ADGRV1: variants seen among roughly 807,000 people sequenced by gnomAD.
ADGRV1 encodes the protein G-protein coupled receptor 98.
ADGRV1 carries 359 observed loss-of-function variants against 596.2 expected under a neutral mutation model. The observed-to-expected ratio is 0.60, with a 90% CI of 0.55 to 0.66. The LOEUF is 0.66. ADGRV1 is among the 30% of genes least tolerant of loss of function. ADGRV1 has a pLI of 0.00. For missense variants in ADGRV1, 7,274 were observed against 7,575.6 expected (o/e 0.96, Z 1.48); for synonymous variants, 2,681 against 2,679.2 (o/e 1.00, Z -0.02).
intron 86 of ADGRV1, among the ~76,000 whole-genome samples, chr5:91,077,544 C>A (rs536517930): frequency 1.3e-4 from 20 of 152,260 alleles, no homozygotes; most frequent in Non-Finnish European, 2.6e-4. Flanking sequence ...GAATAAGCAC[C>A]TCATAAATGG....
chr5:90,610,482 C>T (rs541086700), intron 1 of ADGRV1, among the ~76,000 whole-genome samples: 20 of 151,912 alleles, frequency 1.3e-4, no homozygotes, highest in Admixed American at 6.6e-4. Flanking sequence ...ATTCTGAAGA[C>T]ATCCTTAGTT....
chr5:90,892,639 T>C (rs943606954), intron 83 of ADGRV1, among the ~76,000 whole-genome samples: 3 of 152,184 alleles, frequency 2.0e-5, no homozygotes, highest in East Asian at 1.9e-4. Flanking sequence ...AAGTTTTCTC[T>C]TACCCCTTTT....
At chr5:90,979,341 T>C (rs1015308489) in intron 84 of ADGRV1, among the ~76,000 whole-genome samples, 1 of 152,020 alleles carries the variant, frequency 6.6e-6, no homozygotes, top group Non-Finnish European at 1.5e-5. Context: ...GCTAATTGTT[T>C]GTATTTTTTG....
chr5:91,093,124 C>T (rs1790527400), intron 86 of ADGRV1, among the ~76,000 whole-genome samples: 2 of 152,314 alleles, frequency 1.3e-5, no homozygotes, highest in South Asian at 2.1e-4. Context: ...AAAATTTCTA[C>T]AATTATCCTT....
chr5:90,707,915 TG>T (rs2090209251), intron 38 of ADGRV1, among the ~76,000 whole-genome samples: 3 of 150,576 alleles, frequency 2.0e-5, no homozygotes, highest in Non-Finnish European at 4.4e-5. Flanking sequence ...GCGTGGGGGG[TG>T]GGGGACATTA....
chr5:90,716,478 G>C lies in ADGRV1; in HGVS notation c.9196G>C (p.Val3066Leu). 3 of 1,572,968 alleles carry C rather than the reference G, an allele frequency of 1.9e-6. No homozygotes were observed. Among genetic ancestry groups the C allele is most frequent in the African/African-American group, 2.7e-5 (2 of 73,908 alleles). ...LGKNTIALII[V>L]LANDDGPGVL... The stretch of plus-strand genomic sequence containing the variant: ...TTTTATTTTGGCAGCCTTAATTATT[G>C]TCCTTGCTAATGATGACGGCCCTGG... Residue 3066 changes from valine (V) to leucine (L), a missense_variant, in exon 43 of 90, where the codon GTC becomes CTC. Val to Leu is a conservative substitution (Grantham distance 32). Transcript: ENST00000405460.
chr5:90,792,037 A>G (rs1213195450), intron 70 of ADGRV1: 1 of 152,128 alleles, frequency 6.6e-6, no homozygotes, highest in East Asian at 1.9e-4. Flanking sequence ...TATGGCATTC[A>G]TTGCCACTGG....
intron 77 of ADGRV1, among the ~76,000 whole-genome samples, chr5:90,834,968 A>T (rs1247783975): frequency 2.3e-4 from 20 of 87,662 alleles, no homozygotes; most frequent in Admixed American, 4.2e-4. Flanking sequence ...TTCCTTCCTT[A>T]CTTCCTTTCT....
At chr5:90,696,735 T>C (rs1747236161) in intron 33 of ADGRV1, among the ~76,000 whole-genome samples, 2 of 152,068 alleles carry the variant, frequency 1.3e-5, no homozygotes, top group Non-Finnish European at 2.9e-5. Context: ...TCTTCATTAA[T>C]GAAATTTTAC....
rs1024511724 is a variant in ADGRV1 at position 90,725,474 on chromosome 5, C to T, written c.10054-75C>T. 6 of 832,944 alleles carry T rather than the reference C, an allele frequency of 7.2e-6. 1 individual carries two copies. In the East Asian group the frequency reaches 1.0e-4, roughly 14 times the overall value. The allele number at this position is 832,944 out of a possible 1,614,324, so 51.6% of individuals were successfully genotyped here. On this transcript the variant is annotated intron_variant, in intron 47 of 89. Coordinates refer to ENST00000405460, the MANE Select transcript of ADGRV1 (RefSeq NM_032119.4). ...AAGTCTTGCACTTCAGATTTTAACT[C>T]ATGCTATTAGTGTGTTCAGTGGCTT...
chr5:90,643,712 G>A (rs1201886175), intron 13 of ADGRV1, 91 bp from the exon 14 acceptor site: 8 of 958,296 alleles, frequency 8.3e-6, no homozygotes, highest in Non-Finnish European at 1.2e-5. Context: ...CTGAAACTTT[G>A]AGTATATTAA....
At chr5:90,856,633 G>A (rs1459539862) in intron 82 of ADGRV1, among the ~76,000 whole-genome samples, 3 of 152,088 alleles carry the variant, frequency 2.0e-5, no homozygotes, top group African/African-American at 7.2e-5. Flanking sequence ...TGAACAAGGT[G>A]CTATACAGTG....
intron 83 of ADGRV1, among the ~76,000 whole-genome samples, chr5:90,957,614 CTA>C (rs1056035982): frequency 1.2e-4 from 17 of 146,658 alleles, no homozygotes; most frequent in Middle Eastern, 3.6e-3. Context: ...TATATTTTAA[CTA>C]TATATGTTAT....
intron 1 of ADGRV1, among the ~76,000 whole-genome samples, chr5:90,573,344 A>G (rs1019155966): frequency 6.6e-6 from 1 of 152,146 alleles, no homozygotes; most frequent in African/African-American, 2.4e-5. Context: ...TCTTCTGAGA[A>G]ATGTGTTTTT....
Position 90,863,809 on chromosome 5 carries a change from T to G in ADGRV1, c.17808T>G (p.Phe5936Leu). ...SHIFCARYSM[F>L]AAKLLTHMMA... ...TCTTCTGTGCCAGGTACTCCATGTT[T>G]GCAGCTAAACTTCTGACTCACATGA... is the stretch of plus-strand genomic sequence containing the variant. The change falls in exon 83 of 90, where the codon TTT becomes TTG. Residue 5936 changes from phenylalanine to leucine, a missense_variant. Phe to Leu is a conservative substitution (Grantham distance 22). This residue lies in a region of ADGRV1 where 1,874 missense variants were observed against 1,970.2 expected (regional missense o/e 0.95). Transcript: ENST00000405460. 1.2e-6 allele frequency: 2 copies of G among 1,613,674 alleles called. No homozygotes were observed. The highest frequency in any genetic ancestry group is 2.2e-5 in the East Asian group (1 of 44,874).
At chr5:91,042,504 A>G (rs1361577240) in intron 85 of ADGRV1, among the ~76,000 whole-genome samples, 2 of 152,174 alleles carry the variant, frequency 1.3e-5, no homozygotes, top group Non-Finnish European at 2.9e-5. Context: ...ATCTTTAAAT[A>G]TTAAAGGTTA....
chr5:90,599,080 A>C (rs73179749), intron 1 of ADGRV1, among the ~76,000 whole-genome samples: 2,877 of 152,108 alleles, frequency 0.019, 83 homozygotes, highest in African/African-American at 0.065. Context: ...GCCATAAAAA[A>C]CCCCCAAAGA....
intron 77 of ADGRV1, among the ~76,000 whole-genome samples, chr5:90,836,958 T>C (rs1765019935): frequency 1.3e-5 from 2 of 152,154 alleles, no homozygotes; most frequent in Non-Finnish European, 2.9e-5. Flanking sequence ...AATGAGAAAA[T>C]AATTATGGAT....
chr5:90,619,533 A>G (rs1473097978), intron 4 of ADGRV1, among the ~76,000 whole-genome samples: 2 of 152,176 alleles, frequency 1.3e-5, no homozygotes, highest in Non-Finnish European at 2.9e-5. Flanking sequence ...TTTGTTTGTC[A>G]GACTCTTCTG....
Sources: allele counts gnomAD v4.1 joint callset (sites outside exome capture counted in the v4.1 genomes callset), GRCh38; gene constraint gnomAD v4.1.1; regional missense constraint gnomAD v4.1.1; transcripts MANE v1.5; gene names NCBI Gene and HGNC (gene_info 2026-07-23, HGNC 2026-07-21).